Variants in PARVB observed in about 807,000 individuals in gnomAD.
PARVB encodes the protein parvin beta, also known as beta-parvin.
A neutral mutation model predicts 47.0 loss-of-function variants in PARVB; 46 were observed. That is an observed-to-expected ratio of 0.98 (90% confidence interval 0.77 to 1.25). The LOEUF (loss-of-function observed/expected upper bound fraction) is 1.25. PARVB is among the 50% of genes most tolerant of loss of function. The pLI, the probability that PARVB is intolerant of heterozygous loss-of-function variation, is 0.00. For missense variants in PARVB, 473 were observed against 471.6 expected, an observed-to-expected ratio of 1.00 and a Z score of -0.03; for synonymous variants, 196 against 196.3, an observed-to-expected ratio of 1.00 and a Z score of 0.01.
chr22:44,168,532 C>A, intron 12 of PARVB, 70 bp from the exon 13 acceptor site: 1 of 1,032,312 alleles, frequency 9.7e-7, no homozygotes, highest in Non-Finnish European at 1.5e-6. Context: ...GGAGACGTGG[C>A]TTCTGAGAGT....
intron 1 of PARVB, among the ~76,000 whole-genome samples, chr22:44,055,435 A>G (rs2051288220): frequency 6.6e-6 from 1 of 151,780 alleles, no homozygotes; most frequent in Non-Finnish European, 1.5e-5. Flanking sequence ...CCCTGGTTCA[A>G]GCAGTTCTCC....
intron 11 of PARVB, 149 bp from the exon 12 acceptor site, chr22:44,163,709 C>T (rs1027908797): frequency 3.4e-6 from 2 of 583,168 alleles, no homozygotes; most frequent in Non-Finnish European, 2.9e-6. Context: ...GTCTGCCCAC[C>T]CTGTGGCCCG....
chr22:44,006,530 C>T (rs530574708), intron 2 of PARVB, among the ~76,000 whole-genome samples: 2 of 152,164 alleles, frequency 1.3e-5, no homozygotes, highest in South Asian at 4.1e-4. Context: ...GAGGCTGAGG[C>T]AGGGGAATCA....
chr22:44,055,656 A>ATCTCTCTCTCTCTCTCTCTC (rs3083345), intron 1 of PARVB, among the ~76,000 whole-genome samples: 1 of 148,286 alleles, frequency 6.7e-6, no homozygotes, highest in African/African-American at 2.5e-5. Flanking sequence ...GTCTCTATCC[A>ATCTCTCTCTCTCTCTCTCTC]TCTCTCTCTC....
chr22:44,071,994 T>G lies in PARVB; in HGVS notation c.113-21934T>G, dbSNP rs545635437. On this transcript the variant is annotated intron_variant, in intron 1 of 12. Transcript: ENST00000338758. ...GATTCTAACACCCTCCTTCCCTCCC[T>G]CCCTCGCTCTCTACCAGTGGGATCT... Among the ~76,000 whole-genome samples the G allele has an allele frequency of 2.6e-5, 4 of 152,312 alleles. No homozygotes were observed. In the South Asian group the frequency reaches 8.3e-4, roughly 32 times the overall value.
chr22:44,023,566 A>T, upstream of PARVB, among the ~76,000 whole-genome samples: 1 of 147,150 alleles, frequency 6.8e-6, no homozygotes, highest in African/African-American at 2.6e-5. Context: ...ATAAAATAAA[A>T]TAAAATAAAA....
At chr22:44,154,097 C>A (rs969937484) in intron 10 of PARVB, among the ~76,000 whole-genome samples, 2 of 152,200 alleles carry the variant, frequency 1.3e-5, no homozygotes, top group Non-Finnish European at 2.9e-5. Context: ...CCAGCTGTCC[C>A]CACAGCCCTT....
chr22:44,108,679 A>G (rs1158896049), intron 3 of PARVB: 4 of 152,146 alleles, frequency 2.6e-5, no homozygotes, highest in Non-Finnish European at 5.9e-5. Flanking sequence ...GGATCTCACA[A>G]AGTACATTCT....
chr22:44,018,796 C>T (rs978042910), intron 2 of PARVB, among the ~76,000 whole-genome samples: 4 of 152,200 alleles, frequency 2.6e-5, no homozygotes, highest in Non-Finnish European at 4.4e-5. Context: ...GTTCTCCTCA[C>T]CCAGATTCTC....
intron 3 of PARVB, among the ~76,000 whole-genome samples, chr22:44,101,301 CA>C (rs1475165957): frequency 6.6e-6 from 1 of 151,664 alleles, no homozygotes; most frequent in Non-Finnish European, 1.5e-5. Context: ...CCCAGCTACT[CA>C]AAAGGCTGAG....
At chr22:44,041,169 G>A (rs1339185027) in intron 1 of PARVB, among the ~76,000 whole-genome samples, 1 of 152,176 alleles carries the variant, frequency 6.6e-6, no homozygotes, top group African/African-American at 2.4e-5. Context: ...GTGGTGGACT[G>A]TAGGCTGTGG....
At chr22:44,082,012 C>A (rs1292126377) in intron 1 of PARVB, among the ~76,000 whole-genome samples, 3 of 152,124 alleles carry the variant, frequency 2.0e-5, no homozygotes, top group Non-Finnish European at 4.4e-5. Flanking sequence ...GAAGGACTTG[C>A]TAAGGAATTA....
chr22:44,016,391 T>C (rs1409971676), intron 2 of PARVB, among the ~76,000 whole-genome samples: 5 of 152,192 alleles, frequency 3.3e-5, no homozygotes, highest in South Asian at 2.1e-4. Context: ...CCACTGTGCC[T>C]GGCCTAGCTC....
chr22:44,041,097 G>T (rs1436946792), intron 1 of PARVB, among the ~76,000 whole-genome samples: 1 of 152,200 alleles, frequency 6.6e-6, no homozygotes, highest in Non-Finnish European at 1.5e-5. Context: ...GAATGCTGAT[G>T]GATTGCTGGA....
At chr22:44,021,611 G>A (rs2050648577), upstream of PARVB, among the ~76,000 whole-genome samples, 1 of 152,062 alleles carries the variant, frequency 6.6e-6, no homozygotes, top group East Asian at 1.9e-4. Context: ...AAATAACAAG[G>A]GTGATGGGAA....
At position 44,151,696 on chromosome 22, in the gene PARVB, C is replaced by T. The variant is rs2053814220; in HGVS notation, c.843+145C>T. On this transcript the variant is annotated intron_variant, in intron 10 of 12. Coordinates refer to ENST00000338758, the MANE Select transcript of PARVB (RefSeq NM_013327.5). The stretch of plus-strand genomic sequence containing the variant: ...CCGTGGTGCAGGCAGAAATAACCAC[C>T]GTGGCCTTCTCAGCCCCTCTGTCTT... The T allele has an allele frequency of 2.5e-5, 16 of 649,374 alleles. No homozygotes were observed. In the South Asian group the frequency reaches 2.7e-4, roughly 11 times the overall value. The allele number at this position is 649,374 out of a possible 1,614,324, so 40.2% of individuals were successfully genotyped here.
intron 2 of PARVB, among the ~76,000 whole-genome samples, chr22:44,008,925 C>G (rs1349058615): frequency 6.6e-6 from 1 of 152,038 alleles, no homozygotes; most frequent in Non-Finnish European, 1.5e-5. Context: ...GGAGGCAGAG[C>G]TTGCAGTGAG....
chr22:44,093,845 T>C, intron 1 of PARVB, 83 bp from the exon 2 acceptor site: 1 of 788,440 alleles, frequency 1.3e-6, no homozygotes, highest in South Asian at 1.7e-5. Context: ...AGGAATTGAT[T>C]TCTCTCTGCG....
At chr22:44,052,986 G>C (rs771372338) in intron 1 of PARVB, among the ~76,000 whole-genome samples, 3 of 151,940 alleles carry the variant, frequency 2.0e-5, no homozygotes, top group Non-Finnish European at 2.9e-5. Flanking sequence ...AAAGACAGGT[G>C]GTGGGCCAGA....
Sources: gnomAD v4.1 joint callset for allele counts (sites outside exome capture counted in the v4.1 genomes callset) on GRCh38, gnomAD v4.1.1 for gene constraint, MANE v1.5 for transcripts, NCBI Gene and HGNC (gene_info 2026-07-23, HGNC 2026-07-21) for gene names.